The following ELFN1 variants were observed in gnomAD, a reference collection of about 807,000 sequenced individuals.
The protein encoded by ELFN1 is extracellular leucine rich repeat and fibronectin type III domain containing 1, also known as protein ELFN1.
In ELFN1, 6 loss-of-function variants were observed where a neutral mutation model predicts 7.6. The ratio of observed to expected loss-of-function variants is 0.79; its 90% CI spans 0.43 to 1.56. The LOEUF (loss-of-function observed/expected upper bound fraction) is 1.56, where lower values mean the gene tolerates loss of function less well. ELFN1 is among the 40% of genes most tolerant of loss of function. ELFN1 has a pLI of 0.01. For synonymous variants in ELFN1, 657 were observed against 588.1 expected (o/e 1.12, Z -1.70); for missense variants, 1,169 against 1,232.2 (o/e 0.95, Z 0.77).
At chr7:1,715,402 G>T (rs891405289) in intron 3 of ELFN1, among the ~76,000 whole-genome samples, 1 of 152,140 alleles carries the variant, frequency 6.6e-6, no homozygotes, top group Non-Finnish European at 1.5e-5. Context: ...CCGGCACAAG[G>T]GCACCCCCTG....
At chr7:1,734,261 C>T (rs1780386108) in intron 3 of ELFN1, among the ~76,000 whole-genome samples, 1 of 152,114 alleles carries the variant, frequency 6.6e-6, no homozygotes, top group African/African-American at 2.4e-5. Flanking sequence ...GAGGGTCATT[C>T]CTCCTCTCCC....
At chr7:1,685,793 A>G (rs1779051757) in intron 1 of ELFN1, among the ~76,000 whole-genome samples, 1 of 148,676 alleles carries the variant, frequency 6.7e-6, no homozygotes, top group Admixed American at 6.7e-5. Context: ...TTTATATTAT[A>G]TAATATATAA....
intron 1 of ELFN1, among the ~76,000 whole-genome samples, chr7:1,679,685 C>A (rs116353716): frequency 6.6e-6 from 1 of 152,156 alleles, no homozygotes; most frequent in Non-Finnish European, 1.5e-5. Flanking sequence ...TCCCACCAAG[C>A]GGGGTGGCAT....
At chr7:1,675,585 G>C (rs1165389395) in intron 1 of ELFN1, among the ~76,000 whole-genome samples, 1 of 152,194 alleles carries the variant, frequency 6.6e-6, no homozygotes, top group Admixed American at 6.5e-5. Context: ...CCATGTGCCC[G>C]CCCCACATGG....
At chr7:1,737,942 G>T (rs906140270) in intron 3 of ELFN1, among the ~76,000 whole-genome samples, 1 of 152,168 alleles carries the variant, frequency 6.6e-6, no homozygotes, top group Admixed American at 6.5e-5. Context: ...ACCCCTTCCA[G>T]CTCCCTCCAG....
At chr7:1,712,414 C>T (rs1368233289) in intron 3 of ELFN1, among the ~76,000 whole-genome samples, 1 of 150,764 alleles carries the variant, frequency 6.6e-6, no homozygotes, top group Non-Finnish European at 1.5e-5. Context: ...GCCACGGTGC[C>T]CAGCCTTCTT....
chr7:1,705,695 A>G lies in ELFN1; in HGVS notation c.-455-3396A>G, dbSNP rs901613611. ...GCCCTGCCCTTTCTGGCTCATGGCAATTCAGTGGATGGCTTTGGGCCTCGG... is the reference window on the plus strand; with the variant it reads ...GCCCTGCCCTTTCTGGCTCATGGCAGTTCAGTGGATGGCTTTGGGCCTCGG... On this transcript the variant is annotated intron_variant, in intron 2 of 3. Coordinates refer to ENST00000424383, the MANE Select transcript of ELFN1 (RefSeq NM_001128636.4). This position sits in a 1 kb window ranked among gnomAD's most constrained non-coding sequence, Gnocchi z 4.3. Among the ~76,000 whole-genome samples, 5 of 152,328 alleles carry G rather than the reference A, an allele frequency of 3.3e-5. No individual in the cohort carries two copies. The highest frequency in any genetic ancestry group is 3.4e-3 in the Middle Eastern group (1 of 294).
At chr7:1,738,240 G>A (rs551033970) in intron 3 of ELFN1, among the ~76,000 whole-genome samples, 31 of 152,304 alleles carry the variant, frequency 2.0e-4, no homozygotes, top group Non-Finnish European at 2.9e-4. Context: ...GGCCGGGCAC[G>A]TGGAGGCCTC....
At chr7:1,689,934 G>A (rs1339448404) in intron 2 of ELFN1, among the ~76,000 whole-genome samples, 1 of 152,214 alleles carries the variant, frequency 6.6e-6, no homozygotes, top group Non-Finnish European at 1.5e-5. Flanking sequence ...AACCCCTTGA[G>A]CCCTCTGGAC....
chr7:1,671,469 C>G (rs550396336), intron 1 of ELFN1, among the ~76,000 whole-genome samples: 39 of 152,358 alleles, frequency 2.6e-4, no homozygotes, highest in African/African-American at 9.1e-4. Context: ...CTCATTCCCT[C>G]GATTGGGCTA....
At chr7:1,736,001 C>G (rs1001342096) in intron 3 of ELFN1, among the ~76,000 whole-genome samples, 3 of 152,174 alleles carry the variant, frequency 2.0e-5, no homozygotes, top group African/African-American at 7.2e-5. Context: ...CACGATGGTT[C>G]TGTGTCCCCT....
chr7:1,732,352 C>A (rs1367002307), intron 3 of ELFN1, among the ~76,000 whole-genome samples: 4 of 152,190 alleles, frequency 2.6e-5, no homozygotes, highest in African/African-American at 9.7e-5. Context: ...AGGACCCTCA[C>A]TGATGCCCAG....
At chr7:1,677,806 G>C (rs971523369) in intron 1 of ELFN1, among the ~76,000 whole-genome samples, 4 of 151,956 alleles carry the variant, frequency 2.6e-5, no homozygotes, top group Non-Finnish European at 5.9e-5. Context: ...TCAGTCGAGC[G>C]GATGGAGGCT....
intron 2 of ELFN1, among the ~76,000 whole-genome samples, chr7:1,704,366 A>G (rs1779487159): frequency 6.6e-6 from 1 of 152,184 alleles, no homozygotes; most frequent in African/African-American, 2.4e-5. Context: ...GGACAAAAGG[A>G]CCAGCGTTGT....
chr7:1,724,059 G>GTTGC (rs1394454487), intron 3 of ELFN1, among the ~76,000 whole-genome samples: 1 of 152,242 alleles, frequency 6.6e-6, no homozygotes, highest in Non-Finnish European at 1.5e-5. Context: ...CCACCACTTA[G>GTTGC]TTGCCGTGGG....
rs138449595 is a variant in ELFN1 at position 1,680,304 on chromosome 7, C to T, written c.-548-7754C>T. Among the ~76,000 whole-genome samples, 277 of 152,250 alleles carry T rather than the reference C, an allele frequency of 1.8e-3. 2 individuals carry two copies. The highest frequency in any genetic ancestry group is 0.012 in the South Asian group (60 of 4,816). ...TGTGTTTGATTTTTGGGAAGGTACC[C>T]CAAGGTCACGGGGAGATCCTTCTGT... On this transcript the variant is annotated intron_variant, in intron 1 of 3. Coordinates refer to ENST00000424383, the MANE Select transcript of ELFN1 (RefSeq NM_001128636.4).
At chr7:1,707,912 G>A (rs1366271203) in intron 2 of ELFN1, among the ~76,000 whole-genome samples, 2 of 152,172 alleles carry the variant, frequency 1.3e-5, no homozygotes, top group African/African-American at 4.8e-5. Context: ...CGGGGCACAG[G>A]CAGACAGACA....
chr7:1,737,285 A>C (rs2128601387), intron 3 of ELFN1, among the ~76,000 whole-genome samples: 1 of 152,172 alleles, frequency 6.6e-6, no homozygotes, highest in African/African-American at 2.4e-5. Context: ...TAAGTCCTTC[A>C]GGGGCCCCGT....
chr7:1,709,680 C>T (rs541175943), intron 3 of ELFN1, among the ~76,000 whole-genome samples: 5 of 152,346 alleles, frequency 3.3e-5, no homozygotes, highest in South Asian at 4.1e-4. Context: ...GCATAGGTCA[C>T]GTAGGTTAAT....
Sources: gnomAD v4.1 joint callset for allele counts (sites outside exome capture counted in the v4.1 genomes callset) on GRCh38, gnomAD v4.1.1 for gene constraint, Gnocchi (gnomAD v3.1) non-coding constraint, MANE v1.5 for transcripts, NCBI Gene and HGNC (gene_info 2026-07-23, HGNC 2026-07-21) for gene names.